The following PRKCQ variants were observed in gnomAD, a reference collection of about 807,000 sequenced individuals.
PRKCQ encodes the protein protein kinase C theta.
PRKCQ carries 41 observed loss-of-function variants against 91.2 expected under a neutral mutation model. The observed-to-expected ratio is 0.45, with a 90% CI of 0.35 to 0.58. PRKCQ has a LOEUF of 0.58. PRKCQ is among the 20% of genes least tolerant of loss of function. The pLI is 0.00. For synonymous variants in PRKCQ, 307 were observed against 316.9 expected, an observed-to-expected ratio of 0.97 and a Z score of 0.33; for missense variants, 673 against 896.5, an observed-to-expected ratio of 0.75 and a Z score of 3.18.
At chr10:6,488,784 GTGT>G (rs946313956) in intron 8 of PRKCQ, among the ~76,000 whole-genome samples, 19 of 151,818 alleles carry the variant, frequency 1.3e-4, no homozygotes, top group African/African-American at 3.9e-4. Flanking sequence ...CTTTGTTGTT[GTGT>G]TGTTGTTCTT....
chr10:6,401,199 G>A, the PRKCQ span, among the ~76,000 whole-genome samples: 3 of 152,120 alleles, frequency 2.0e-5, no homozygotes, highest in South Asian at 2.1e-4. Context: ...TAATCAAATC[G>A]CTATGACATG....
At position 6,497,043 on chromosome 10, in the gene PRKCQ, C is replaced by G. The variant is rs764498570; in HGVS notation, c.652G>C (p.Glu218Gln). The change falls in exon 7 of 18, where the codon GAA becomes CAA. Residue 218 changes from glutamate (E) to glutamine (Q), a missense_variant. Physicochemically the swap from Glu to Gln is conservative, Grantham distance 29. Coordinates refer to ENST00000263125, the MANE Select transcript of PRKCQ (RefSeq NM_006257.5). The surrounding 1 kb of genome is among the most constrained non-coding windows in gnomAD (Gnocchi z 4.5). ...KCTGSAINSR[E>Q]TMFHKERFKI... is the part of the protein sequence containing the mutation. Reference sequence around the variant, plus strand: ...GGAGTGTAAATACTCACCATGGTTTCTCGGCTATTGATAGCTGATCCTGTG... The same window carrying G: ...GGAGTGTAAATACTCACCATGGTTTGTCGGCTATTGATAGCTGATCCTGTG... 3 of 1,612,222 alleles carry G rather than the reference C, an allele frequency of 1.9e-6. No homozygotes were observed. Among genetic ancestry groups the G allele is most frequent in the Non-Finnish European group, 2.5e-6 (3 of 1,179,642 alleles).
intron 15 of PRKCQ, among the ~76,000 whole-genome samples, chr10:6,450,544 T>C (rs1177645157): frequency 2.6e-5 from 4 of 152,196 alleles, no homozygotes; most frequent in Non-Finnish European, 5.9e-5. Flanking sequence ...TTAACAAGGA[T>C]ACCCAGGAAT....
At chr10:6,574,694 A>G (rs1266503421) in intron 1 of PRKCQ, among the ~76,000 whole-genome samples, 4 of 152,226 alleles carry the variant, frequency 2.6e-5, no homozygotes, top group African/African-American at 9.6e-5. Context: ...TTAAGGTCAT[A>G]TGGCAAATTA....
At chr10:6,498,370 T>G in intron 5 of PRKCQ, 26 bp downstream of exon 5, 1 of 1,611,778 alleles carries the variant, frequency 6.2e-7, no homozygotes, top group Non-Finnish European at 8.5e-7. Context: ...ACCCGAAGCT[T>G]GGAGGGAGAT....
At chr10:6,571,044 T>C (rs1340839229) in intron 1 of PRKCQ, among the ~76,000 whole-genome samples, 1 of 151,910 alleles carries the variant, frequency 6.6e-6, no homozygotes, top group Non-Finnish European at 1.5e-5. Context: ...GGAGCAGCTG[T>C]GGAGAAGCTG....
chr10:6,463,612 C>T (rs1307481763), intron 13 of PRKCQ, among the ~76,000 whole-genome samples: 1 of 152,182 alleles, frequency 6.6e-6, no homozygotes, highest in Non-Finnish European at 1.5e-5. Flanking sequence ...CCACTTCAAC[C>T]TAAACCACTC....
chr10:6,576,741 T>TG lies in PRKCQ; in HGVS notation c.-10+3469dup. Among the ~76,000 whole-genome samples the TG allele has an allele frequency of 6.6e-6, 1 of 152,346 alleles. No individual in the cohort carries two copies. The highest frequency in any genetic ancestry group is 2.1e-4 in the South Asian group (1 of 4,834). On this transcript the variant is annotated intron_variant, in intron 1 of 17. Transcript: ENST00000263125. This position sits in a 1 kb window ranked among gnomAD's most constrained non-coding sequence, Gnocchi z 4.2. Reference sequence around the variant, plus strand: ...TTTTAACCACAATAAAAAAGTTAACTGGTAGGTCACCTGGGACTGCGGTTT... The same window carrying TG: ...TTTTAACCACAATAAAAAAGTTAACTGGGTAGGTCACCTGGGACTGCGGTTT...
intron 3 of PRKCQ, among the ~76,000 whole-genome samples, chr10:6,508,110 AC>A (rs1838289216): frequency 6.6e-6 from 1 of 152,232 alleles, no homozygotes; most frequent in Non-Finnish European, 1.5e-5. Flanking sequence ...ATAAATACAT[AC>A]TTCAGTACTG....
intron 4 of PRKCQ, among the ~76,000 whole-genome samples, chr10:6,501,792 C>T (rs1447969019): frequency 6.6e-6 from 1 of 151,696 alleles, no homozygotes; most frequent in Non-Finnish European, 1.5e-5. Context: ...CCATTGCACT[C>T]CAGCCTGGGC....
At chr10:6,446,192 T>C (rs1834282330) in intron 15 of PRKCQ, among the ~76,000 whole-genome samples, 1 of 152,116 alleles carries the variant, frequency 6.6e-6, no homozygotes, top group Non-Finnish European at 1.5e-5. Flanking sequence ...GGGGTGATGA[T>C]TGGGCTTAGA....
At chr10:6,429,036 G>C (rs1453277692) in intron 17 of PRKCQ, among the ~76,000 whole-genome samples, 3 of 152,174 alleles carry the variant, frequency 2.0e-5, no homozygotes, top group Non-Finnish European at 4.4e-5. Context: ...GTTCAATTCA[G>C]TGTCCCAAGA....
intron 13 of PRKCQ, among the ~76,000 whole-genome samples, 174 bp from the exon 14 acceptor site, chr10:6,462,539 T>C (rs982456703): frequency 6.6e-6 from 1 of 152,158 alleles, no homozygotes; most frequent in African/African-American, 2.4e-5. Flanking sequence ...CATAAGAAAG[T>C]AGAGGCTCAG....
At chr10:6,455,089 C>G (rs1039874200) in intron 15 of PRKCQ, among the ~76,000 whole-genome samples, 10 of 152,092 alleles carry the variant, frequency 6.6e-5, no homozygotes, top group African/African-American at 2.4e-4. Flanking sequence ...GAGGGAGTGA[C>G]AAAGGAGACT....
At position 6,571,805 on chromosome 10, in the gene PRKCQ, A is replaced by AAAAC. The variant is rs552943130; in HGVS notation, c.-10+8402_-10+8405dup. On this transcript the variant is annotated intron_variant, in intron 1 of 17. Transcript: ENST00000263125. ...AGCAACAGAACAAGACCCTGCCTCA[A>AAAAC]AAACAAACAAACAAACAAACCAACA... Among the ~76,000 whole-genome samples the AAAAC allele has an allele frequency of 2.0e-3, 309 of 152,262 alleles. 2 individuals carry two copies. Among genetic ancestry groups the AAAAC allele is most frequent in the Non-Finnish European group, 2.5e-3 (171 of 68,016 alleles).
At chr10:6,575,514 T>A (rs1381600649) in intron 1 of PRKCQ, among the ~76,000 whole-genome samples, 1 of 152,228 alleles carries the variant, frequency 6.6e-6, no homozygotes, top group Non-Finnish European at 1.5e-5. Context: ...CTGTTTATGT[T>A]TTAGGGACTG....
chr10:6,442,051 C>T lies in PRKCQ; in HGVS notation c.1678G>A (p.Val560Met). ...AGAACCCCGAAGGACCACCAGTCCA[C>T]AGAGTGGTTGTATTTCTGACCCAGC... Reference protein sequence around the residue: ...ILLGQKYNHSVDWWSFGVLLY... With the variant: ...ILLGQKYNHSMDWWSFGVLLY... Residue 560 changes from valine to methionine, a missense_variant, in exon 16 of 18, where the codon GTG (valine) becomes ATG (methionine). Coordinates refer to ENST00000263125, the MANE Select transcript of PRKCQ (RefSeq NM_006257.5). The T allele has an allele frequency of 6.2e-7, 1 of 1,613,938 alleles. No individual in the cohort carries two copies. The highest frequency in any genetic ancestry group is 8.5e-7 in the Non-Finnish European group (1 of 1,179,862).
At chr10:6,402,582 T>C in the PRKCQ span, among the ~76,000 whole-genome samples, 2 of 152,150 alleles carry the variant, frequency 1.3e-5, no homozygotes, top group South Asian at 2.1e-4. Flanking sequence ...AGAGTGGCAG[T>C]AACTACTTTT....
At chr10:6,471,443 T>C (rs1835962710) in intron 12 of PRKCQ, among the ~76,000 whole-genome samples, 1 of 152,062 alleles carries the variant, frequency 6.6e-6, no homozygotes. Context: ...TCAGCAAGGT[T>C]TCAAAGGAGG....
Sources: allele counts gnomAD v4.1 joint callset (sites outside exome capture counted in the v4.1 genomes callset), GRCh38; gene constraint gnomAD v4.1.1; non-coding constraint Gnocchi (gnomAD v3.1); transcripts MANE v1.5; gene names NCBI Gene and HGNC (gene_info 2026-07-23, HGNC 2026-07-21).